SLCO1A2: variants seen among roughly 807,000 people sequenced by gnomAD.
The protein encoded by SLCO1A2 is OATP-1.
Under a neutral mutation model 69.0 loss-of-function variants are expected in SLCO1A2, and 67 were observed. That is an observed-to-expected ratio of 0.97 (90% CI 0.80 to 1.19). SLCO1A2 has a LOEUF of 1.19. SLCO1A2 is among the 50% of genes most tolerant of loss of function. The probability of loss-of-function intolerance (pLI) is 0.00; values close to 1 mark genes in which losing one functional copy is unlikely to be tolerated. For missense variants in SLCO1A2, 787 were observed against 793.7 expected, an observed-to-expected ratio of 0.99 and a Z score of 0.10; for synonymous variants, 260 against 265.9, an observed-to-expected ratio of 0.98 and a Z score of 0.22.
chr12:21,271,420 T>G (rs1451913253), intron 14 of SLCO1A2, among the ~76,000 whole-genome samples: 1 of 151,526 alleles, frequency 6.6e-6, no homozygotes, highest in African/African-American at 2.4e-5. Context: ...AAGTCCCTTT[T>G]GAATTTTAAA....
At chr12:21,396,783 G>C (rs1292540721), upstream of SLCO1A2, among the ~76,000 whole-genome samples, 1 of 152,018 alleles carries the variant, frequency 6.6e-6, no homozygotes, top group African/African-American at 2.4e-5. Context: ...AGCTTCATAA[G>C]TGAAGGAGAA....
intron 2 of SLCO1A2, among the ~76,000 whole-genome samples, chr12:21,341,237 G>A (rs1953058639): frequency 6.6e-6 from 1 of 151,886 alleles, no homozygotes; most frequent in Non-Finnish European, 1.5e-5. Flanking sequence ...GCCTATTGAT[G>A]TATTCATTTA....
Position 21,292,163 on chromosome 12 carries a change from C to T in SLCO1A2, c.1610+1G>A, listed in dbSNP as rs747975230. On this transcript the variant is annotated splice_donor_variant, in intron 12 of 14. Transcript: ENST00000683939. LOFTEE classifies it high-confidence loss of function. ...TATAAATAAAGAAAATAATTTTGTACCTCAAGAGAACCATATATCCAGGTA... is the reference window on the plus strand; with the variant it reads ...TATAAATAAAGAAAATAATTTTGTATCTCAAGAGAACCATATATCCAGGTA... 1.3e-6 allele frequency: 2 copies of T among 1,558,398 alleles called. No individual in the cohort carries two copies. Among genetic ancestry groups the T allele is most frequent in the South Asian group, 2.4e-5 (2 of 81,784 alleles).
intron 4 of SLCO1A2, among the ~76,000 whole-genome samples, chr12:21,310,970 G>T (rs367753383): frequency 1.3e-5 from 2 of 152,142 alleles, no homozygotes; most frequent in Non-Finnish European, 2.9e-5. Context: ...GTCAATCCTT[G>T]CAAGCCCTAC....
At chr12:21,335,902 G>A (rs1440630930), upstream of SLCO1A2, among the ~76,000 whole-genome samples, 2 of 152,162 alleles carry the variant, frequency 1.3e-5, no homozygotes, top group Non-Finnish European at 2.9e-5. Flanking sequence ...CCTACAGAGA[G>A]TATAAACTAG....
chr12:21,341,933 G>A (rs1436255112), intron 2 of SLCO1A2, among the ~76,000 whole-genome samples: 1 of 152,030 alleles, frequency 6.6e-6, no homozygotes, highest in African/African-American at 2.4e-5. Context: ...CTCTGTGTAT[G>A]TATAAATGAG....
At chr12:21,351,825 C>T (rs1377702380) in intron 2 of SLCO1A2, among the ~76,000 whole-genome samples, 1 of 151,660 alleles carries the variant, frequency 6.6e-6, no homozygotes, top group African/African-American at 2.4e-5. Flanking sequence ...TAGGAATAGA[C>T]CATTATTGAA....
chr12:21,356,232 A>G (rs1258641319), intron 2 of SLCO1A2, among the ~76,000 whole-genome samples: 2 of 152,014 alleles, frequency 1.3e-5, no homozygotes, highest in Non-Finnish European at 2.9e-5. Context: ...ATATTTATAT[A>G]TAATTCTTGA....
chr12:21,356,415 C>T (rs1938366380), intron 2 of SLCO1A2, among the ~76,000 whole-genome samples: 1 of 151,396 alleles, frequency 6.6e-6, no homozygotes, highest in South Asian at 2.1e-4. Context: ...CTGTGTATGA[C>T]AGGGACACAC....
chr12:21,341,904 T>C (rs1953081491), intron 2 of SLCO1A2, among the ~76,000 whole-genome samples: 1 of 152,060 alleles, frequency 6.6e-6, no homozygotes, highest in Non-Finnish European at 1.5e-5. Context: ...TTAAATCATG[T>C]AAAGGGAACA....
At chr12:21,343,773 T>G (rs1325275129) in intron 2 of SLCO1A2, among the ~76,000 whole-genome samples, 1 of 152,180 alleles carries the variant, frequency 6.6e-6, no homozygotes, top group East Asian at 1.9e-4. Flanking sequence ...GAGAAGACTC[T>G]CCCCTAGCTT....
chr12:21,350,679 C>T (rs1298085946), intron 2 of SLCO1A2, among the ~76,000 whole-genome samples: 1 of 150,598 alleles, frequency 6.6e-6, no homozygotes, highest in Non-Finnish European at 1.5e-5. Flanking sequence ...TACTAAAATA[C>T]AAAAAAAATT....
chr12:21,318,341 G>A (rs562195384), intron 3 of SLCO1A2, among the ~76,000 whole-genome samples: 2 of 152,110 alleles, frequency 1.3e-5, no homozygotes, highest in South Asian at 2.1e-4. Flanking sequence ...GGATGGTCTC[G>A]ATCTCCTGAC....
chr12:21,359,047 C>T (rs1054872705), intron 2 of SLCO1A2, among the ~76,000 whole-genome samples: 3 of 152,134 alleles, frequency 2.0e-5, no homozygotes, highest in Non-Finnish European at 4.4e-5. Flanking sequence ...TAACAGGAAG[C>T]AAGCTGCTAC....
At chr12:21,341,768 G>A (rs559656512) in intron 2 of SLCO1A2, among the ~76,000 whole-genome samples, 231 of 152,108 alleles carry the variant, frequency 1.5e-3, no homozygotes, top group African/African-American at 5.4e-3. Flanking sequence ...ACTTTGGGAC[G>A]AGCCAATAAT....
At chr12:21,319,634 C>A in intron 2 of SLCO1A2, 1 of 404,614 alleles carries the variant, frequency 2.5e-6, no homozygotes, top group Non-Finnish European at 4.5e-6. Context: ...TTTTGGGAAG[C>A]TTTCCTGAAC....
At chr12:21,368,408 A>C (rs34758237) in intron 2 of SLCO1A2, among the ~76,000 whole-genome samples, 7,848 of 152,258 alleles carry the variant, frequency 0.052, 285 homozygotes, top group Non-Finnish European at 0.079. Context: ...TGTAAATTAA[A>C]GAGTCACACA....
At chr12:21,418,632 C>T (rs2900485), upstream of SLCO1A2, among the ~76,000 whole-genome samples, 7,974 of 152,130 alleles carry the variant, frequency 0.052, 317 homozygotes, top group Middle Eastern at 0.12. Flanking sequence ...TTCACTACCA[C>T]GAGAACAGTA....
In SLCO1A2 at chr12:21,344,778, G is replaced by A. The variant is rs1202404838; in HGVS notation, c.-62-10069C>T. On this transcript the variant is annotated intron_variant, in intron 2 of 15. Coordinates refer to the SLCO1A2 transcript ENST00000307378. The stretch of plus-strand genomic sequence containing the variant: ...GATTCATCAAGTTACAGACAAATGA[G>A]ATTTTAAAAAAAGAAAAGGTAACAG... Among the ~76,000 whole-genome samples the A allele has an allele frequency of 2.0e-5, 3 of 151,950 alleles. No individual in the cohort carries two copies. The East Asian group carries it at 5.8e-4, about 29-fold the overall frequency.
Sources: allele counts gnomAD v4.1 joint callset (sites outside exome capture counted in the v4.1 genomes callset), GRCh38; gene constraint gnomAD v4.1.1; transcripts MANE v1.5; gene names NCBI Gene and HGNC (gene_info 2026-07-23, HGNC 2026-07-21).